CREB1: variants seen among roughly 807,000 people sequenced by gnomAD.
CREB1 encodes the protein cyclic AMP-responsive element-binding protein 1.
Under a neutral mutation model 42.0 loss-of-function variants are expected in CREB1, and 2 were observed. That is an observed-to-expected ratio of 0.05 (90% CI 0.02 to 0.15). The LOEUF (loss-of-function observed/expected upper bound fraction) is 0.15, where lower values mean the gene tolerates loss of function less well. Ranked by LOEUF, CREB1 falls within the 10% of genes least tolerant of loss-of-function variation. The pLI is 1.00. For missense variants in CREB1, 199 were observed against 388.9 expected, an observed-to-expected ratio of 0.51 and a Z score of 4.11; for synonymous variants, 123 against 139.9, an observed-to-expected ratio of 0.88 and a Z score of 0.85.
chr2:207,593,285 G>T (rs2085439680), intron 7 of CREB1, among the ~76,000 whole-genome samples: 1 of 152,174 alleles, frequency 6.6e-6, no homozygotes, highest in African/African-American at 2.4e-5. Flanking sequence ...CAGCACTTTG[G>T]GAGGCTGAGG....
In CREB1 at chr2:207,593,495, A is replaced by T. The variant is rs527242727; in HGVS notation, c.840-3419A>T. 2.0e-5 allele frequency among the ~76,000 whole-genome samples: 3 copies of T among 152,296 alleles called. No individual in the cohort carries two copies. The South Asian group carries it at 6.2e-4, about 32-fold the overall frequency. On this transcript the variant is annotated intron_variant, in intron 7 of 7. Transcript: ENST00000353267. The stretch of plus-strand genomic sequence containing the variant: ...CAGTGAGCCCTCATTGTGCCACTGC[A>T]CTCCAGCCTGGGCAGCAGAGCAAGA...
At chr2:207,569,312 G>A (rs1276299901) in intron 4 of CREB1, among the ~76,000 whole-genome samples, 1 of 152,084 alleles carries the variant, frequency 6.6e-6, no homozygotes, top group African/African-American at 2.4e-5. Flanking sequence ...ATTGAGGCAC[G>A]AACACCCATA....
intron 7 of CREB1, chr2:207,581,629 C>A: frequency 2.5e-6 from 1 of 393,778 alleles, no homozygotes; most frequent in Non-Finnish European, 4.5e-6. Context: ...TAATTTTAAA[C>A]TTACAAAGGA....
chr2:207,537,991 T>G (rs1346674641), intron 1 of CREB1, among the ~76,000 whole-genome samples: 5 of 152,220 alleles, frequency 3.3e-5, no homozygotes, highest in African/African-American at 1.2e-4. Flanking sequence ...GAAATTTGTT[T>G]CATATACACA....
intron 1 of CREB1, among the ~76,000 whole-genome samples, chr2:207,547,157 T>C (rs1400179427): frequency 1.3e-5 from 2 of 152,216 alleles, no homozygotes; most frequent in Non-Finnish European, 2.9e-5. Context: ...TTTTCACTCT[T>C]CCATGTCCAA....
intron 7 of CREB1, among the ~76,000 whole-genome samples, chr2:207,590,814 G>T (rs1481027907): frequency 6.6e-6 from 1 of 152,080 alleles, no homozygotes; most frequent in East Asian, 1.9e-4. Flanking sequence ...GGCAACCCTT[G>T]ATATAAATAA....
At chr2:207,535,805 T>TATTTA (rs1468409281) in intron 1 of CREB1, among the ~76,000 whole-genome samples, 1 of 150,578 alleles carries the variant, frequency 6.6e-6, no homozygotes, top group Admixed American at 6.6e-5. Flanking sequence ...TTTATTTATT[T>TATTTA]ATTTATTTAT....
chr2:207,556,561 G>C (rs2081731107), intron 2 of CREB1, among the ~76,000 whole-genome samples: 1 of 152,220 alleles, frequency 6.6e-6, no homozygotes, highest in Non-Finnish European at 1.5e-5. Context: ...ATGGGAAATA[G>C]AGGACTCACC....
intron 1 of CREB1, among the ~76,000 whole-genome samples, chr2:207,531,935 A>G (rs1470841293): frequency 2.6e-5 from 4 of 152,234 alleles, no homozygotes; most frequent in Admixed American, 1.3e-4. Flanking sequence ...CAGGTTTTCT[A>G]TAAAGATTGG....
intron 1 of CREB1, among the ~76,000 whole-genome samples, chr2:207,548,264 C>T (rs1230337294): frequency 2.0e-5 from 3 of 152,084 alleles, no homozygotes; most frequent in Non-Finnish European, 4.4e-5. Flanking sequence ...TAAATACTTC[C>T]TTCAAGAACA....
chr2:207,584,415 T>C (rs2083447781), intron 7 of CREB1, among the ~76,000 whole-genome samples: 1 of 152,182 alleles, frequency 6.6e-6, no homozygotes, highest in African/African-American at 2.4e-5. Context: ...CTTTTTTTTT[T>C]TGAGACGGAG....
At chr2:207,576,941 T>C (rs2082621957) in intron 6 of CREB1, 5 of 870,946 alleles carry the variant, frequency 5.7e-6, no homozygotes, top group Non-Finnish European at 6.9e-6. Context: ...ATCATTTACA[T>C]TAAAACAATA....
chr2:207,530,437 G>T (rs1384105578), intron 1 of CREB1, among the ~76,000 whole-genome samples: 1 of 145,732 alleles, frequency 6.9e-6, no homozygotes, highest in African/African-American at 2.5e-5. Context: ...GCGGCCGGGG[G>T]TGTGTGCGGG....
chr2:207,536,681 G>C (rs2080885479), intron 1 of CREB1, among the ~76,000 whole-genome samples: 1 of 152,034 alleles, frequency 6.6e-6, no homozygotes, highest in East Asian at 1.9e-4. Context: ...ACTAATATTT[G>C]ATTTAAAATA....
chr2:207,567,465 T>C lies in CREB1; in HGVS notation c.264T>C (p.Ile88=). ...ATGAAGTTTTTCTTTAATTTCAGAT[T>C]TCAACTATTGCAGAAAGTGAAGATT... is the stretch of plus-strand genomic sequence containing the variant. ...IQSPQVQTVQ[I]STIAESEDSQ... Residue 88 remains isoleucine (I), a splice_region_variant and synonymous_variant, in exon 4 of 8, where the codon ATT becomes ATC. Transcript: ENST00000353267. 6.2e-7 allele frequency: 1 copy of C among 1,603,898 alleles called. No individual in the cohort carries two copies. The highest frequency in any genetic ancestry group is 1.7e-5 in the Admixed American group (1 of 59,230).
chr2:207,530,479 C>CCCG (rs1451657850), intron 1 of CREB1, among the ~76,000 whole-genome samples: 11 of 144,308 alleles, frequency 7.6e-5, no homozygotes, highest in South Asian at 4.2e-4. Flanking sequence ...CGCCCGCGTT[C>CCCG]CCGCCGCCGC....
intron 1 of CREB1, 97 bp downstream of exon 1, chr2:207,530,231 C>T (rs1574728021): frequency 2.0e-5 from 3 of 152,534 alleles, no homozygotes; most frequent in African/African-American, 7.2e-5. Flanking sequence ...GGGCCTTCCC[C>T]TCGCAGGAGG....
chr2:207,584,608 G>C (rs570446770), intron 7 of CREB1, among the ~76,000 whole-genome samples: 1 of 152,266 alleles, frequency 6.6e-6, no homozygotes, highest in African/African-American at 2.4e-5. Flanking sequence ...CGCCATGTTG[G>C]CCAGGCTGGT....
rs2087730961 is a variant in CREB1, at chr2:207,604,514, C to G, written c.*7456C>G. Among the ~76,000 whole-genome samples, 1 of 152,068 alleles carries G rather than the reference C, an allele frequency of 6.6e-6. No homozygotes were observed. The highest frequency in any genetic ancestry group is 2.1e-4 in the South Asian group (1 of 4,824). On this transcript the variant is annotated 3_prime_UTR_variant, in exon 8 of 8. Transcript: ENST00000353267. ...ATCTTTCTTAAGTGCAGTGACCAAA[C>G]CGGATGAGAATTCTAACACGGGCCT...
Sources: gnomAD v4.1 joint callset for allele counts (sites outside exome capture counted in the v4.1 genomes callset) on GRCh38, gnomAD v4.1.1 for gene constraint, MANE v1.5 for transcripts, NCBI Gene and HGNC (gene_info 2026-07-23, HGNC 2026-07-21) for gene names.